Variants in PDGFRB observed in about 807,000 individuals in gnomAD.
The protein encoded by PDGFRB is platelet derived growth factor receptor beta.
In PDGFRB, 42 loss-of-function variants were observed where a neutral mutation model predicts 120.2. That is an observed-to-expected ratio of 0.35 (90% CI 0.27 to 0.45). PDGFRB has a LOEUF of 0.45. PDGFRB is among the 20% of genes least tolerant of loss of function. The probability of loss-of-function intolerance (pLI) is 1.00; values close to 1 mark genes in which losing one functional copy is unlikely to be tolerated. For missense variants in PDGFRB, 1,149 were observed against 1,476.3 expected (o/e 0.78, Z 3.63); for synonymous variants, 586 against 606.8 (o/e 0.97, Z 0.50).
chr5:150,119,384 C>T, intron 20 of PDGFRB, 83 bp downstream of exon 20: 1 of 806,868 alleles, frequency 1.2e-6, no homozygotes, highest in South Asian at 1.4e-5. Context: ...TAACAAATCT[C>T]TCATCTTTGG....
chr5:150,117,198 C>T (rs1759962203), intron 22 of PDGFRB, among the ~76,000 whole-genome samples: 1 of 152,216 alleles, frequency 6.6e-6, no homozygotes, highest in South Asian at 2.1e-4. Context: ...CAGGCTCCCT[C>T]TGGCCCCAGG....
rs1760494761 is a variant in PDGFRB at position 150,132,526 on chromosome 5, C to G, written c.1127+224G>C. Among the ~76,000 whole-genome samples, 1 of 152,212 alleles carries G rather than the reference C, an allele frequency of 6.6e-6. No homozygotes were observed. ...CTGGCCCCACCCATCACAAGGACAACTAAACATCTGGGTGATCATCTGACC... is the reference window on the plus strand; with the variant it reads ...CTGGCCCCACCCATCACAAGGACAAGTAAACATCTGGGTGATCATCTGACC... On this transcript the variant is annotated intron_variant, in intron 7 of 22. Coordinates refer to ENST00000261799, the MANE Select transcript of PDGFRB (RefSeq NM_002609.4). The surrounding 1 kb of genome is among the most constrained non-coding windows in gnomAD (Gnocchi z 5.0).
At chr5:150,145,973 G>A (rs545179118) in intron 1 of PDGFRB, among the ~76,000 whole-genome samples, 4 of 152,308 alleles carry the variant, frequency 2.6e-5, no homozygotes, top group African/African-American at 9.6e-5. Context: ...CTTTTGAGCT[G>A]GGTAAAGCTG....
At chr5:150,152,607 T>C (rs1761106709) in intron 1 of PDGFRB, among the ~76,000 whole-genome samples, 1 of 152,236 alleles carries the variant, frequency 6.6e-6, no homozygotes, top group Admixed American at 6.5e-5. Flanking sequence ...AGCAGCCTGT[T>C]CTGAGCCAAT....
In PDGFRB at chr5:150,137,043, C is replaced by T. The variant is rs372399976; in HGVS notation, c.5G>A (p.Arg2Gln). Residue 2 changes from arginine (R) to glutamine (Q), a missense_variant, in exon 2 of 23, where the codon CGG becomes CAG. By Grantham distance (43) the Arg-to-Gln change is conservative. This residue lies in a region of PDGFRB where 879 missense variants were observed against 1,108.6 expected (regional missense o/e 0.79). Coordinates refer to ENST00000261799, the MANE Select transcript of PDGFRB (RefSeq NM_002609.4). MRLPGAMPALAL... is the reference protein window; with the variant it reads MQLPGAMPALAL... ...CAGAGCTGGCATCGCACCCGGAAGC[C>T]GCATGGTGTCCTGCAGAGTTAAACA... 26 of 1,613,460 alleles carry T rather than the reference C, an allele frequency of 1.6e-5. No homozygotes were observed. The highest frequency in any genetic ancestry group is 1.1e-4 in the African/African-American group (8 of 74,916).
intron 1 of PDGFRB, 142 bp from the exon 2 acceptor site, chr5:150,137,195 C>T (rs1307159717): frequency 1.3e-5 from 8 of 626,468 alleles, no homozygotes; most frequent in South Asian, 3.9e-5. Context: ...AAAGCCACCA[C>T]GTCCCAAGCC....
At position 150,117,535 on chromosome 5, in the gene PDGFRB, C is replaced by CGT. The variant is rs71979977; in HGVS notation, c.3137+82_3137+83insAC. On this transcript the variant is annotated intron_variant, in intron 22 of 22. Coordinates refer to ENST00000261799, the MANE Select transcript of PDGFRB (RefSeq NM_002609.4). Reference sequence around the variant, plus strand: ...TCTGAGGCAAACCTGGCAGCGCGCGCGCGCGCGCGCACACACACACACACA... The same window carrying CGT: ...TCTGAGGCAAACCTGGCAGCGCGCGCGTGCGCGCGCGCACACACACACACACA... The CGT allele has an allele frequency of 1.1e-3, 744 of 649,786 alleles. 4 individuals carry two copies. Among genetic ancestry groups the CGT allele is most frequent in the Admixed American group, 0.011 (422 of 37,472 alleles). The allele number at this position is 649,786 out of a possible 1,614,324, so 40.3% of individuals were successfully genotyped here. A position where few individuals can be genotyped will look rare whatever the true frequency, so the allele number is the denominator to read the frequency against.
Position 150,145,078 on chromosome 5 carries a change from G to A in PDGFRB, c.-6-8025C>T, listed in dbSNP as rs530438310. On this transcript the variant is annotated intron_variant, in intron 1 of 22. Transcript: ENST00000261799. ...ACCCTTCCACTCCTCCACCTCTTCC[G>A]CCTCTGCCACCCCTGAAAGCAAGGC... is the stretch of plus-strand genomic sequence containing the variant. Among the ~76,000 whole-genome samples the A allele has an allele frequency of 1.1e-3, 172 of 152,070 alleles. 3 individuals carry two copies. Among genetic ancestry groups the A allele is most frequent in the African/African-American group, 4.0e-3 (165 of 41,480 alleles).
rs1043579580 is a variant in PDGFRB, at chr5:150,114,092, G to A, written c.*1671C>T. 4.3e-6 allele frequency: 1 copy of A among 233,538 alleles called. No homozygotes were observed. 14.5% of individuals were successfully genotyped at this position (233,538 alleles called of 1,614,324 possible). On this transcript the variant is annotated 3_prime_UTR_variant, in exon 23 of 23. Transcript: ENST00000261799. ...ACCTGCAATGCAGGGTTGGTGCCCAGAGGGGTTGAGCTTCCTGCACCCCCT... is the reference window on the plus strand; with the variant it reads ...ACCTGCAATGCAGGGTTGGTGCCCAAAGGGGTTGAGCTTCCTGCACCCCCT...
At position 150,131,492 on chromosome 5, in the gene PDGFRB, C is replaced by T. The variant is rs142433389; in HGVS notation, c.1243+487G>A. ...TCTGTGCCCAGCACTCTCAACCTTC[C>T]CTACCCGGCCCCTGTTTTTCCTCTC... On this transcript the variant is annotated intron_variant, in intron 8 of 22. Coordinates refer to ENST00000261799, the MANE Select transcript of PDGFRB (RefSeq NM_002609.4). Among the ~76,000 whole-genome samples the T allele has an allele frequency of 2.2e-4, 33 of 152,308 alleles. 1 individual carries two copies. The East Asian group carries it at 6.4e-3, about 29-fold the overall frequency.
intron 14 of PDGFRB, among the ~76,000 whole-genome samples, chr5:150,123,518 A>G (rs991675060): frequency 3.9e-5 from 6 of 152,192 alleles, no homozygotes; most frequent in African/African-American, 1.4e-4. Flanking sequence ...TCTTATTGAT[A>G]TGTTTTCAAA....
chr5:150,150,790 C>T (rs7729207), intron 1 of PDGFRB, among the ~76,000 whole-genome samples: 4,222 of 152,266 alleles, frequency 0.028, 192 homozygotes, highest in African/African-American at 0.095. Flanking sequence ...GTCCATTCCC[C>T]CCCTCACCTC....
At chr5:150,138,745 G>A (rs528906452) in intron 1 of PDGFRB, among the ~76,000 whole-genome samples, 3 of 152,236 alleles carry the variant, frequency 2.0e-5, no homozygotes, top group East Asian at 3.8e-4. Flanking sequence ...GCGCCAAGGC[G>A]GAGCCAGCAG....
chr5:150,136,612 G>A (rs1013884125), intron 2 of PDGFRB, among the ~76,000 whole-genome samples: 6 of 152,142 alleles, frequency 3.9e-5, no homozygotes, highest in African/African-American at 9.7e-5. Flanking sequence ...ACATGTTAAC[G>A]GGCAGGAGTG....
intron 1 of PDGFRB, among the ~76,000 whole-genome samples, chr5:150,141,088 C>T (rs753109531): frequency 2.0e-5 from 3 of 152,184 alleles, no homozygotes; most frequent in Non-Finnish European, 2.9e-5. Flanking sequence ...CGCACTTCCT[C>T]GCACACTCCT....
intron 13 of PDGFRB, 30 bp downstream of exon 13, chr5:150,124,697 C>T: frequency 9.3e-7 from 1 of 1,072,552 alleles, no homozygotes; most frequent in Middle Eastern, 2.0e-4. Flanking sequence ...GGTGAAGGCC[C>T]AGATGTGGAG....
chr5:150,134,687 G>T lies in PDGFRB; in HGVS notation c.631+63C>A, dbSNP rs1760571736. ...TCCCACACTTTGTAAACTGTAAAGG[G>T]CTATTCCTCTGTGGAGGGTTATACT... On this transcript the variant is annotated intron_variant, in intron 4 of 22. Transcript: ENST00000261799. 4 of 1,462,688 alleles carry T rather than the reference G, an allele frequency of 2.7e-6. No individual in the cohort carries two copies. In the East Asian group the frequency reaches 6.8e-5, roughly 25 times the overall value. 90.6% of individuals were successfully genotyped at this position (1,462,688 alleles called of 1,614,324 possible).
At chr5:150,150,921 G>A (rs2113932886) in intron 1 of PDGFRB, among the ~76,000 whole-genome samples, 1 of 152,246 alleles carries the variant, frequency 6.6e-6, no homozygotes, top group Middle Eastern at 3.4e-3. Context: ...ACAGCCCCTA[G>A]TGGGCCTTCC....
Position 150,125,542 on chromosome 5 carries a change from C to T in PDGFRB, c.1710G>A (p.Glu570=), listed in dbSNP as rs772976321. 1.2e-6 allele frequency: 2 copies of T among 1,613,998 alleles called. No homozygotes were observed. Among genetic ancestry groups the T allele is most frequent in the Middle Eastern group, 1.7e-4 (1 of 6,060 alleles). ...ACTCATGGCCGTCAGAGCTCACAGACTCAATCACCTTCCATCGGATCTCGT... is the reference window on the plus strand; with the variant it reads ...ACTCATGGCCGTCAGAGCTCACAGATTCAATCACCTTCCATCGGATCTCGT... The part of the protein sequence containing the change: ...PRYEIRWKVI[E]SVSSDGHEYI... The change falls in exon 12 of 23, where the codon GAG becomes GAA. Residue 570 remains glutamate, a synonymous_variant. Coordinates refer to ENST00000261799, the MANE Select transcript of PDGFRB (RefSeq NM_002609.4).
Sources: allele counts gnomAD v4.1 joint callset (sites outside exome capture counted in the v4.1 genomes callset), GRCh38; gene constraint gnomAD v4.1.1; regional missense constraint gnomAD v4.1.1; non-coding constraint Gnocchi (gnomAD v3.1); transcripts MANE v1.5; gene names NCBI Gene and HGNC (gene_info 2026-07-23, HGNC 2026-07-21).